The following DENND1A variants were observed in gnomAD, a reference collection of about 807,000 sequenced individuals.
DENND1A encodes the protein DENN domain-containing protein 1A.
A neutral mutation model predicts 113.7 loss-of-function variants in DENND1A; 51 were observed. That is an observed-to-expected ratio of 0.45 (90% CI 0.36 to 0.57). The LOEUF (loss-of-function observed/expected upper bound fraction) is 0.57, where lower values mean the gene tolerates loss of function less well. Ranked by LOEUF, DENND1A falls within the 20% of genes least tolerant of loss-of-function variation. The pLI is 0.00. For missense variants in DENND1A, 1,258 were observed against 1,395.9 expected (o/e 0.90, Z 1.57); for synonymous variants, 565 against 570.8 (o/e 0.99, Z 0.14).
chr9:123,886,236 G>A (rs1849066929), intron 1 of DENND1A, among the ~76,000 whole-genome samples: 1 of 151,930 alleles, frequency 6.6e-6, no homozygotes, highest in African/African-American at 2.4e-5. Flanking sequence ...TGGATCATCA[G>A]CTTTTAATTA....
intron 5 of DENND1A, among the ~76,000 whole-genome samples, chr9:123,713,521 T>C (rs911237118): frequency 5.3e-5 from 8 of 152,184 alleles, no homozygotes; most frequent in African/African-American, 1.7e-4. Flanking sequence ...GTTAGGTCAA[T>C]TCAGAATAGC....
chr9:123,407,864 A>G (rs1406292996), intron 20 of DENND1A, among the ~76,000 whole-genome samples: 1 of 152,214 alleles, frequency 6.6e-6, no homozygotes, highest in East Asian at 1.9e-4. Flanking sequence ...GGTGAGCAAG[A>G]AATAATAAAT....
intron 5 of DENND1A, among the ~76,000 whole-genome samples, chr9:123,705,488 G>T (rs1270550773): frequency 1.3e-5 from 2 of 152,182 alleles, no homozygotes; most frequent in African/African-American, 4.8e-5. Flanking sequence ...CTGGGCAAAA[G>T]ATCAATATTC....
intron 2 of DENND1A, among the ~76,000 whole-genome samples, chr9:123,870,611 AT>A (rs1480522506): frequency 3.3e-5 from 5 of 151,740 alleles, no homozygotes; most frequent in Non-Finnish European, 7.4e-5. Flanking sequence ...TGATTTTTGT[AT>A]TTTTAGTAGA....
At chr9:123,835,624 T>C (rs1192323814) in intron 2 of DENND1A, among the ~76,000 whole-genome samples, 2 of 151,172 alleles carry the variant, frequency 1.3e-5, no homozygotes, top group African/African-American at 2.4e-5. Context: ...CCTAACTCTT[T>C]ATCTTGGATA....
chr9:123,525,263 G>C (rs1264271096), intron 13 of DENND1A, among the ~76,000 whole-genome samples: 1 of 152,202 alleles, frequency 6.6e-6, no homozygotes, highest in Non-Finnish European at 1.5e-5. Context: ...CAGAGAGAAA[G>C]TTCTATGCTA....
At chr9:123,393,771 C>G (rs886524266) in intron 21 of DENND1A, among the ~76,000 whole-genome samples, 1 of 152,130 alleles carries the variant, frequency 6.6e-6, no homozygotes, top group African/African-American at 2.4e-5. Context: ...AAAGCAACGA[C>G]GATAAGAATT....
chr9:123,525,776 T>TTTTTTA (rs1554856412), intron 13 of DENND1A, among the ~76,000 whole-genome samples: 1 of 148,418 alleles, frequency 6.7e-6, no homozygotes. Context: ...TTTTTTTTTT[T>TTTTTTA]GAGACAGGGT....
At chr9:123,559,154 C>T (rs546794748) in intron 12 of DENND1A, among the ~76,000 whole-genome samples, 18 of 152,028 alleles carry the variant, frequency 1.2e-4, no homozygotes, top group Admixed American at 2.6e-4. Context: ...GGCCCTGCAG[C>T]GAAGAAGAGT....
chr9:123,440,499 G>A lies in DENND1A; in HGVS notation c.1357-8C>T. On this transcript the variant is annotated splice_polypyrimidine_tract_variant and splice_region_variant and intron_variant, in intron 18 of 23. Transcript: ENST00000394215. ...GCCATTCTCGGCAATGTCCTGTAGG[G>A]AGAAGGATAGTCAGCGGTTGGCACT... is the stretch of plus-strand genomic sequence containing the variant. 6.5e-7 allele frequency: 1 copy of A among 1,548,370 alleles called. No homozygotes were observed.
chr9:123,579,362 C>T (rs953718890), intron 12 of DENND1A, among the ~76,000 whole-genome samples: 2 of 152,134 alleles, frequency 1.3e-5, no homozygotes, highest in Non-Finnish European at 2.9e-5. Flanking sequence ...TGCCTTGAAT[C>T]TCTAGGTAAT....
chr9:123,598,248 A>T (rs2059784463), intron 11 of DENND1A, among the ~76,000 whole-genome samples: 1 of 152,098 alleles, frequency 6.6e-6, no homozygotes, highest in Admixed American at 6.6e-5. Flanking sequence ...AATCACTCCG[A>T]GGCAGGGAAG....
intron 22 of DENND1A, among the ~76,000 whole-genome samples, chr9:123,386,368 C>T (rs2042559625): frequency 8.3e-6 from 1 of 119,998 alleles, no homozygotes; most frequent in South Asian, 3.0e-4. Context: ...TAGGCCACTA[C>T]TTTCTTTTCT....
intron 21 of DENND1A, among the ~76,000 whole-genome samples, chr9:123,397,557 A>G (rs2131190287): frequency 6.6e-6 from 1 of 152,370 alleles, no homozygotes; most frequent in Non-Finnish European, 1.5e-5. Context: ...ATGAGCATAC[A>G]CACAATGAGA....
At chr9:123,527,060 C>T (rs541828793) in intron 13 of DENND1A, among the ~76,000 whole-genome samples, 1 of 152,320 alleles carries the variant, frequency 6.6e-6, no homozygotes, top group Admixed American at 6.5e-5. Flanking sequence ...GGAATAGCCT[C>T]ACCCAGTTAC....
intron 13 of DENND1A, among the ~76,000 whole-genome samples, chr9:123,466,296 T>C (rs1207949665): frequency 1.3e-5 from 2 of 151,866 alleles, no homozygotes. Context: ...CGTGCCTGCC[T>C]TTTTATTTAT....
At chr9:123,820,168 G>A (rs1838229277) in intron 2 of DENND1A, among the ~76,000 whole-genome samples, 1 of 152,208 alleles carries the variant, frequency 6.6e-6, no homozygotes, top group African/African-American at 2.4e-5. Context: ...AAGCCAGTAT[G>A]ATAGGTTGCC....
intron 16 of DENND1A, 50 bp downstream of exon 16, chr9:123,454,689 A>G (rs1182514061): frequency 4.5e-6 from 7 of 1,540,560 alleles, no homozygotes; most frequent in Non-Finnish European, 6.2e-6. Context: ...GAAGGCTGCC[A>G]GGAAGCTAAG....
intron 10 of DENND1A, among the ~76,000 whole-genome samples, chr9:123,622,882 G>T (rs2138298248): frequency 6.6e-6 from 1 of 152,306 alleles, no homozygotes; most frequent in East Asian, 1.9e-4. Flanking sequence ...CCAGAAACAG[G>T]AAGGCTTTCC....
Sources: gnomAD v4.1 joint callset for allele counts (sites outside exome capture counted in the v4.1 genomes callset) on GRCh38, gnomAD v4.1.1 for gene constraint, MANE v1.5 for transcripts, NCBI Gene and HGNC (gene_info 2026-07-23, HGNC 2026-07-21) for gene names.